ANKS1B: variants seen among roughly 807,000 people sequenced by gnomAD.
The protein encoded by ANKS1B is ankyrin repeat and sterile alpha motif domain containing 1B.
ANKS1B carries 36 observed loss-of-function variants against 148.3 expected under a neutral mutation model. The observed-to-expected ratio is 0.24, with a 90% CI of 0.19 to 0.32. The LOEUF (loss-of-function observed/expected upper bound fraction) is 0.32. Among genes scored for constraint, ANKS1B ranks in the 10% least tolerant of loss-of-function variants. The probability of loss-of-function intolerance (pLI) is 1.00; values close to 1 mark genes in which losing one functional copy is unlikely to be tolerated. For synonymous variants in ANKS1B, 542 were observed against 560.8 expected (o/e 0.97, Z 0.47); for missense variants, 1,157 against 1,542.6 (o/e 0.75, Z 4.19).
intron 10 of ANKS1B, among the ~76,000 whole-genome samples, chr12:99,490,881 G>A (rs1490491780): frequency 6.6e-6 from 1 of 152,188 alleles, no homozygotes; most frequent in Non-Finnish European, 1.5e-5. Flanking sequence ...CAGGTAAGGT[G>A]AATAGTTAAA....
chr12:99,332,655 A>G lies in ANKS1B; in HGVS notation c.1756+66976T>C, dbSNP rs527309696. Among the ~76,000 whole-genome samples the G allele has an allele frequency of 2.5e-4, 38 of 150,846 alleles. 1 individual carries two copies. The highest frequency in any genetic ancestry group is 1.2e-3 in the Admixed American group (18 of 15,080). On this transcript the variant is annotated intron_variant, in intron 12 of 26. Transcript: ENST00000683438. ...AAGGTGGTGATCAAGGTTTTTAGAAATGGAAAAGTTTTTATAGAGGTGAGC... is the reference window on the plus strand; with the variant it reads ...AAGGTGGTGATCAAGGTTTTTAGAAGTGGAAAAGTTTTTATAGAGGTGAGC...
intron 10 of ANKS1B, among the ~76,000 whole-genome samples, chr12:99,481,541 C>T (rs2096410715): frequency 2.0e-5 from 3 of 151,770 alleles, no homozygotes; most frequent in African/African-American, 7.3e-5. Context: ...GACTTCTTTT[C>T]CTTTGGGTAG....
intron 17 of ANKS1B, among the ~76,000 whole-genome samples, chr12:98,834,377 T>A (rs1385277598): frequency 6.6e-6 from 1 of 152,226 alleles, no homozygotes; most frequent in Non-Finnish European, 1.5e-5. Flanking sequence ...AATACCCGTT[T>A]AAAATGTCCT....
chr12:99,557,453 T>C (rs1321923436), intron 9 of ANKS1B, among the ~76,000 whole-genome samples: 1 of 152,248 alleles, frequency 6.6e-6, no homozygotes, highest in Non-Finnish European at 1.5e-5. Context: ...CTATTTGTGC[T>C]ATTAATACTT....
intron 17 of ANKS1B, among the ~76,000 whole-genome samples, chr12:99,006,530 T>C (rs1283197933): frequency 6.6e-6 from 1 of 152,218 alleles, no homozygotes; most frequent in Non-Finnish European, 1.5e-5. Flanking sequence ...TGCCAAGGGA[T>C]AAAGCAAGTT....
chr12:99,846,859 AT>A (rs541879674), intron 1 of ANKS1B, among the ~76,000 whole-genome samples: 25 of 152,104 alleles, frequency 1.6e-4, no homozygotes, highest in Non-Finnish European at 2.8e-4. Flanking sequence ...ATGTGGTCAC[AT>A]TTTGCGGAAT....
intron 17 of ANKS1B, among the ~76,000 whole-genome samples, chr12:98,953,440 A>G (rs1354032563): frequency 6.6e-6 from 1 of 151,212 alleles, no homozygotes; most frequent in Non-Finnish European, 1.5e-5. Context: ...GAAATGAGCC[A>G]CTATGCCTGG....
intron 17 of ANKS1B, among the ~76,000 whole-genome samples, chr12:98,855,742 T>C (rs903359786): frequency 6.6e-6 from 1 of 150,898 alleles, no homozygotes; most frequent in Non-Finnish European, 1.5e-5. Flanking sequence ...TCAAACTGGC[T>C]CTTGGCCAGT....
At chr12:99,984,062 A>C (rs1187257170) in intron 1 of ANKS1B, 42 bp downstream of exon 1, 1 of 1,563,948 alleles carries the variant, frequency 6.4e-7, no homozygotes, top group South Asian at 1.2e-5. Flanking sequence ...ATCACAATGC[A>C]TAATGAGGTG....
chr12:99,246,307 T>C lies in ANKS1B; in HGVS notation c.2314A>G (p.Arg772Gly), dbSNP rs1443642132. 6.2e-7 allele frequency: 1 copy of C among 1,601,788 alleles called. No homozygotes were observed. Among genetic ancestry groups the C allele is most frequent in the African/African-American group, 1.3e-5 (1 of 74,516 alleles). ...CATTCCGATGTGAAGGATGGTGTTC[T>C]TTCAGAATTCCCTTTAGAACTGTGT... is the stretch of plus-strand genomic sequence containing the variant. ...AEHSSKGNSE[R>G]TPSFTSEWEE... The change falls in exon 13 of 27, where the codon AGA becomes GGA. Residue 772 changes from arginine (R) to glycine (G), a missense_variant. Around this residue, in one of 6 missense-constraint regions of ANKS1B, gnomAD observed 661 missense variants for 642.1 expected, o/e 1.03. Coordinates refer to ENST00000683438, the MANE Select transcript of ANKS1B (RefSeq NM_001352186.2).
chr12:99,096,793 A>T (rs2153662478), intron 15 of ANKS1B, among the ~76,000 whole-genome samples: 1 of 152,338 alleles, frequency 6.6e-6, no homozygotes, highest in East Asian at 1.9e-4. Context: ...AGTGAATGTA[A>T]TTAAATGTCC....
intron 11 of ANKS1B, among the ~76,000 whole-genome samples, chr12:99,415,024 G>A (rs2094850327): frequency 1.3e-5 from 2 of 152,136 alleles, no homozygotes; most frequent in South Asian, 4.1e-4. Flanking sequence ...ATACACACAT[G>A]AGAGGATAAT....
rs2097706841 is a variant in ANKS1B at position 99,591,905 on chromosome 12, T to C, written c.1272+63162A>G. Reference sequence around the variant, plus strand: ...AGCTGCATTCTAGGCTATTAAACAATCTTTTTCAATTGCTGTTGCTGGTAT... The same window carrying C: ...AGCTGCATTCTAGGCTATTAAACAACCTTTTTCAATTGCTGTTGCTGGTAT... On this transcript the variant is annotated intron_variant, in intron 9 of 26. Transcript: ENST00000683438. 3.9e-5 allele frequency among the ~76,000 whole-genome samples: 6 copies of C among 152,318 alleles called. No individual in the cohort carries two copies. In the South Asian group the frequency reaches 1.2e-3, roughly 32 times the overall value.
At chr12:99,242,437 A>G (rs1361559712) in intron 14 of ANKS1B, among the ~76,000 whole-genome samples, 2 of 152,218 alleles carry the variant, frequency 1.3e-5, no homozygotes, top group Non-Finnish European at 2.9e-5. Context: ...ATGGATAAGA[A>G]GAATCAATAT....
At chr12:99,899,746 A>G (rs1356255614) in intron 1 of ANKS1B, among the ~76,000 whole-genome samples, 8 of 152,196 alleles carry the variant, frequency 5.3e-5, no homozygotes, top group African/African-American at 1.9e-4. Flanking sequence ...ACTGTAGGAA[A>G]TAAATAACAA....
chr12:98,853,652 TC>T lies in ANKS1B; in HGVS notation c.2779-21517del, dbSNP rs761124006. On this transcript the variant is annotated intron_variant, in intron 17 of 26. Coordinates refer to ENST00000683438, the MANE Select transcript of ANKS1B (RefSeq NM_001352186.2). ...CCTGTGACTGCCCTAGTTAAATAGATCCCCCCTGCTACTCTCTATCACTGCA... is the reference window on the plus strand; with the variant it reads ...CCTGTGACTGCCCTAGTTAAATAGATCCCCCTGCTACTCTCTATCACTGCA... Among the ~76,000 whole-genome samples, 93 of 152,262 alleles carry T rather than the reference TC, an allele frequency of 6.1e-4. 1 individual carries two copies. The highest frequency in any genetic ancestry group is 6.0e-3 in the Admixed American group (91 of 15,292).
At chr12:99,767,938 C>T (rs1354622954) in intron 8 of ANKS1B, among the ~76,000 whole-genome samples, 3 of 151,918 alleles carry the variant, frequency 2.0e-5, no homozygotes, top group East Asian at 1.9e-4. Flanking sequence ...CAAAAATCTC[C>T]GATTCAAAAA....
intron 1 of ANKS1B, among the ~76,000 whole-genome samples, chr12:99,925,491 T>A (rs925161428): frequency 3.9e-5 from 6 of 152,208 alleles, no homozygotes; most frequent in Non-Finnish European, 8.8e-5. Flanking sequence ...TTTAAATTTA[T>A]ACCACCCAGA....
chr12:99,514,898 T>C (rs2096800907), intron 9 of ANKS1B, among the ~76,000 whole-genome samples: 1 of 152,018 alleles, frequency 6.6e-6, no homozygotes, highest in Non-Finnish European at 1.5e-5. Context: ...AGGACTGCAA[T>C]GCAACAATTT....
Sources: gnomAD v4.1 joint callset for allele counts (sites outside exome capture counted in the v4.1 genomes callset) on GRCh38, gnomAD v4.1.1 for gene constraint, gnomAD v4.1.1 regional missense constraint, MANE v1.5 for transcripts, NCBI Gene and HGNC (gene_info 2026-07-23, HGNC 2026-07-21) for gene names.